ENTREP2: variants seen among roughly 807,000 people sequenced by gnomAD.
ENTREP2 encodes endosomal transmembrane epsin interactor 2.
the ENTREP2 span, among the ~76,000 whole-genome samples, chr15:29,595,533 A>T: frequency 6.6e-6 from 1 of 152,138 alleles, no homozygotes; most frequent in Non-Finnish European, 1.5e-5. Flanking sequence ...CAGTATAATT[A>T]GTTGTCGCGT....
At chr15:29,183,989 T>G in the ENTREP2 span, among the ~76,000 whole-genome samples, 1 of 149,764 alleles carries the variant, frequency 6.7e-6, no homozygotes, top group Admixed American at 6.6e-5. Flanking sequence ...AGCTAGTAAC[T>G]TTTTTTTTTG....
At chr15:29,658,128 T>TG in the ENTREP2 span, among the ~76,000 whole-genome samples, 71 of 152,088 alleles carry the variant, frequency 4.7e-4, 1 homozygote, top group African/African-American at 1.6e-3. Context: ...CCACATGTCT[T>TG]GGGGGGGACC....
the ENTREP2 span, among the ~76,000 whole-genome samples, chr15:29,282,819 C>A: frequency 6.6e-6 from 1 of 152,188 alleles, no homozygotes; most frequent in East Asian, 1.9e-4. Flanking sequence ...CAAGTCTGCC[C>A]TTTAACCGTT....
chr15:29,371,188 G>C, the ENTREP2 span, among the ~76,000 whole-genome samples: 1 of 152,034 alleles, frequency 6.6e-6, no homozygotes, highest in Non-Finnish European at 1.5e-5. Flanking sequence ...CTTCCCTCTT[G>C]AGCCTGCTTC....
chr15:29,265,684 C>T, the ENTREP2 span: 1 of 152,104 alleles, frequency 6.6e-6, no homozygotes, highest in Non-Finnish European at 1.5e-5. Context: ...AAATGGATAG[C>T]AAATAAACCA....
chr15:29,482,033 T>C, the ENTREP2 span, among the ~76,000 whole-genome samples: 1 of 152,118 alleles, frequency 6.6e-6, no homozygotes, highest in Admixed American at 6.6e-5. Flanking sequence ...GTTTTGCTCT[T>C]GTTGCCCAGG....
chr15:29,128,748 CA>C, the ENTREP2 span: 1 of 1,454,708 alleles, frequency 6.9e-7, no homozygotes, highest in Non-Finnish European at 9.4e-7. Context: ...CCCTTGAAAA[CA>C]GGAACACCCC....
the ENTREP2 span, among the ~76,000 whole-genome samples, chr15:29,328,060 C>G: frequency 6.6e-6 from 1 of 152,076 alleles, no homozygotes; most frequent in Non-Finnish European, 1.5e-5. Context: ...AATGGATAAA[C>G]AAACTGTGGT....
the ENTREP2 span, among the ~76,000 whole-genome samples, chr15:29,146,298 C>CAGT: frequency 1.3e-5 from 2 of 152,138 alleles, no homozygotes; most frequent in African/African-American, 4.8e-5. Context: ...CAGAAGTTGA[C>CAGT]AAACTCAACC....
the ENTREP2 span, among the ~76,000 whole-genome samples, chr15:29,440,702 C>A: frequency 6.6e-6 from 1 of 152,172 alleles, no homozygotes; most frequent in African/African-American, 2.4e-5. Context: ...TGACAAGGGG[C>A]CTCCCTGCCT....
the ENTREP2 span, chr15:29,268,394 A>G: frequency 5.7e-6 from 1 of 176,768 alleles, no homozygotes; most frequent in African/African-American, 2.4e-5. Context: ...TAATTTTATA[A>G]AAACTTTTAT....
chr15:29,478,003 A>ATATATATT, the ENTREP2 span, among the ~76,000 whole-genome samples: 1 of 73,494 alleles, frequency 1.4e-5, no homozygotes, highest in African/African-American at 8.3e-5. Flanking sequence ...CTATATATAT[A>ATATATATT]TATATATATA....
the ENTREP2 span, chr15:29,265,775 T>G: frequency 4.6e-5 from 7 of 152,314 alleles, no homozygotes; most frequent in African/African-American, 1.7e-4. Flanking sequence ...GTGGAAAGTA[T>G]AAATGATGAA....
chr15:29,290,018 G>A, the ENTREP2 span, among the ~76,000 whole-genome samples: 150 of 152,206 alleles, frequency 9.9e-4, no homozygotes, highest in African/African-American at 3.5e-3. Flanking sequence ...GGCTAAATGC[G>A]GCAACATGAA....
the ENTREP2 span, among the ~76,000 whole-genome samples, chr15:29,551,366 C>A: frequency 6.6e-6 from 1 of 152,284 alleles, no homozygotes; most frequent in Admixed American, 6.5e-5. Context: ...CTTGTCACTG[C>A]CCATCGGTGA....
chr15:29,441,068 G>A, the ENTREP2 span, among the ~76,000 whole-genome samples: 1 of 152,172 alleles, frequency 6.6e-6, no homozygotes, highest in African/African-American at 2.4e-5. Flanking sequence ...CAAACCAAGT[G>A]TCCATCCACA....
At chr15:29,319,677 G>C in the ENTREP2 span, among the ~76,000 whole-genome samples, 2 of 152,180 alleles carry the variant, frequency 1.3e-5, no homozygotes, top group African/African-American at 4.8e-5. Context: ...ACCTTTCTTG[G>C]ACCCCTCAGA....
At chr15:29,448,999 G>A in the ENTREP2 span, among the ~76,000 whole-genome samples, 1 of 152,156 alleles carries the variant, frequency 6.6e-6, no homozygotes, top group Non-Finnish European at 1.5e-5. Flanking sequence ...CTGGGATGGA[G>A]CACCTCCTTC....
chr15:29,254,369 C>T, the ENTREP2 span, among the ~76,000 whole-genome samples: 1 of 152,046 alleles, frequency 6.6e-6, no homozygotes, highest in African/African-American at 2.4e-5. Flanking sequence ...GAATTTTGTC[C>T]AGTAGAACGT....
Sources: allele counts gnomAD v4.1 joint callset (sites outside exome capture counted in the v4.1 genomes callset), GRCh38; gene constraint gnomAD v4.1.1; transcripts MANE v1.5; gene names NCBI Gene and HGNC (gene_info 2026-07-23, HGNC 2026-07-21).